GPHN: variants seen among roughly 807,000 people sequenced by gnomAD.
The protein encoded by GPHN is gephyrin.
A neutral mutation model predicts 95.5 loss-of-function variants in GPHN; 17 were observed. That is an observed-to-expected ratio of 0.18 (90% CI 0.12 to 0.27). The LOEUF (loss-of-function observed/expected upper bound fraction) is 0.27, where lower values mean the gene tolerates loss of function less well. GPHN is among the 10% of genes least tolerant of loss of function. The pLI is 1.00. For synonymous variants in GPHN, 320 were observed against 322.5 expected (o/e 0.99, Z 0.08); for missense variants, 660 against 978.1 (o/e 0.67, Z 4.34).
At chr14:67,576,622 CAG>C in the GPHN span, 3 of 569,594 alleles carry the variant, frequency 5.3e-6, no homozygotes, top group African/African-American at 5.7e-5. The surrounding 1 kb of genome is among the most constrained non-coding windows in gnomAD (Gnocchi z 4.0). Context: ...ATCTAAGCCA[CAG>C]AGGGGAAGTT....
intron 2 of GPHN, among the ~76,000 whole-genome samples, chr14:66,688,913 G>C (rs1344473980): frequency 1.3e-5 from 2 of 151,658 alleles, no homozygotes; most frequent in Non-Finnish European, 2.9e-5. Flanking sequence ...GGGGCCTGTC[G>C]GGGGGTGGGG....
At chr14:67,563,256 G>A in the GPHN span, among the ~76,000 whole-genome samples, 2 of 152,192 alleles carry the variant, frequency 1.3e-5, no homozygotes, top group Non-Finnish European at 2.9e-5. Context: ...TGTTAACTAC[G>A]TGACCTTGGA....
chr14:66,789,634 T>A (rs1319989707), intron 3 of GPHN, among the ~76,000 whole-genome samples: 1 of 152,182 alleles, frequency 6.6e-6, no homozygotes, highest in Non-Finnish European at 1.5e-5. Flanking sequence ...ATTTTTATAC[T>A]GAATCCTGGA....
intron 8 of GPHN, among the ~76,000 whole-genome samples, chr14:66,938,380 T>A (rs1340245553): frequency 6.6e-6 from 1 of 152,146 alleles, no homozygotes; most frequent in East Asian, 1.9e-4. Flanking sequence ...ATCCAGAAAA[T>A]AGAACATTTA....
intron 2 of GPHN, among the ~76,000 whole-genome samples, chr14:66,735,162 G>T (rs571597133): frequency 6.6e-6 from 1 of 152,242 alleles, no homozygotes; most frequent in East Asian, 1.9e-4. Flanking sequence ...GGGTACCCCA[G>T]ACTGCCATAG....
intron 8 of GPHN, among the ~76,000 whole-genome samples, chr14:66,960,281 C>CTTT (rs199570344): frequency 3.5e-5 from 5 of 142,682 alleles, no homozygotes; most frequent in Non-Finnish European, 7.7e-5. Flanking sequence ...TTTTTCTTTT[C>CTTT]TTTTTTTTTT....
At chr14:67,324,122 T>C in the GPHN span, among the ~76,000 whole-genome samples, 1 of 152,240 alleles carries the variant, frequency 6.6e-6, no homozygotes, top group Non-Finnish European at 1.5e-5. Flanking sequence ...TCTCTGTAGA[T>C]ACTCCACATT....
At chr14:67,037,835 C>A (rs527344383) in intron 10 of GPHN, among the ~76,000 whole-genome samples, 1 of 151,188 alleles carries the variant, frequency 6.6e-6, no homozygotes, top group Non-Finnish European at 1.5e-5. Context: ...GAAATTGGAA[C>A]CCTTGTGCCC....
chr14:66,681,067 C>A (rs752207606), intron 1 of GPHN, 40 bp from the exon 2 acceptor site: 6 of 1,202,470 alleles, frequency 5.0e-6, no homozygotes, highest in Non-Finnish European at 7.4e-6. Context: ...GAAATGTAGA[C>A]AAAAATTAAT....
intron 2 of GPHN, among the ~76,000 whole-genome samples, chr14:66,758,041 A>G (rs761411168): frequency 4.6e-5 from 7 of 152,156 alleles, no homozygotes; most frequent in Non-Finnish European, 8.8e-5. Flanking sequence ...AATGGGGAGT[A>G]TGTGCTGATT....
chr14:67,297,035 C>G, the GPHN span, among the ~76,000 whole-genome samples: 4 of 152,168 alleles, frequency 2.6e-5, no homozygotes, highest in African/African-American at 9.7e-5. Context: ...TCTTAGAAAG[C>G]CAGTCACATT....
At chr14:67,639,314 A>G in the GPHN span, among the ~76,000 whole-genome samples, 1 of 152,156 alleles carries the variant, frequency 6.6e-6, no homozygotes, top group Non-Finnish European at 1.5e-5. Context: ...GAGCACTTTA[A>G]TTTCCCTGTA....
At chr14:67,179,426 GA>G (rs1328995676) in intron 21 of GPHN, 151 bp from the exon 22 acceptor site, 1 of 625,614 alleles carries the variant, frequency 1.6e-6, no homozygotes. Flanking sequence ...TATTTAAAAA[GA>G]AAAAGAACAT....
chr14:67,383,493 T>C, the GPHN span: 1 of 1,604,436 alleles, frequency 6.2e-7, no homozygotes, highest in Non-Finnish European at 8.5e-7. Context: ...GCTTCCTGGC[T>C]GTAAATCCTA....
the GPHN span, among the ~76,000 whole-genome samples, chr14:67,475,918 T>C: frequency 4.6e-5 from 7 of 152,342 alleles, no homozygotes; most frequent in African/African-American, 4.8e-5. Flanking sequence ...TCCTTGAGGA[T>C]AGTGACTGTT....
At chr14:67,527,876 C>G in the GPHN span, among the ~76,000 whole-genome samples, 3 of 152,306 alleles carry the variant, frequency 2.0e-5, no homozygotes, top group Non-Finnish European at 4.4e-5. Context: ...CACCCCAGAC[C>G]TCTGGCCTCT....
chr14:66,637,879 TTC>T (rs920876002), intron 1 of GPHN, among the ~76,000 whole-genome samples: 10 of 152,258 alleles, frequency 6.6e-5, no homozygotes, highest in African/African-American at 2.2e-4. Flanking sequence ...GTCCATTGGA[TTC>T]TGTTTTACTT....
the GPHN span, among the ~76,000 whole-genome samples, chr14:67,710,491 C>G: frequency 6.6e-6 from 1 of 152,204 alleles, no homozygotes; most frequent in Non-Finnish European, 1.5e-5. Flanking sequence ...TCTTGAACAT[C>G]CCTCCTTCTT....
the GPHN span, among the ~76,000 whole-genome samples, chr14:67,191,013 C>T: frequency 6.6e-6 from 1 of 152,320 alleles, no homozygotes; most frequent in African/African-American, 2.4e-5. Flanking sequence ...GCAGGTGGAT[C>T]ACCTGAGGTC....
Sources: gnomAD v4.1 joint callset for allele counts (sites outside exome capture counted in the v4.1 genomes callset) on GRCh38, gnomAD v4.1.1 for gene constraint, Gnocchi (gnomAD v3.1) non-coding constraint, MANE v1.5 for transcripts, NCBI Gene and HGNC (gene_info 2026-07-23, HGNC 2026-07-21) for gene names.